Variants in BRINP3 observed in about 807,000 individuals in gnomAD.
BRINP3 encodes BMP/retinoic acid inducible neural specific 3.
In BRINP3, 19 loss-of-function variants were observed where a neutral mutation model predicts 71.0. The observed-to-expected ratio is 0.27, with a 90% CI of 0.19 to 0.39. The LOEUF is 0.39. Among genes scored for constraint, BRINP3 ranks in the 10% least tolerant of loss-of-function variants. The pLI is 1.00. For missense variants in BRINP3, 959 were observed against 940.8 expected (o/e 1.02, Z -0.25); for synonymous variants, 380 against 337.7 (o/e 1.13, Z -1.37).
intron 2 of BRINP3, among the ~76,000 whole-genome samples, chr1:190,316,237 T>C (rs777143224): frequency 6.6e-6 from 1 of 152,150 alleles, no homozygotes; most frequent in African/African-American, 2.4e-5. Context: ...CAGTAGCTAA[T>C]GTAACCCTAA....
chr1:190,294,796 C>T (rs553311048), intron 2 of BRINP3, among the ~76,000 whole-genome samples: 11 of 152,028 alleles, frequency 7.2e-5, no homozygotes, highest in South Asian at 4.2e-4. Flanking sequence ...TGTTGAGCTC[C>T]GTAAGCCAGT....
chr1:190,220,359 A>C (rs1656770572), intron 6 of BRINP3, among the ~76,000 whole-genome samples: 1 of 152,010 alleles, frequency 6.6e-6, no homozygotes, highest in Admixed American at 6.6e-5. Context: ...ACACGGACAC[A>C]GGGAGAGGAA....
At chr1:190,162,311 G>C (rs1211778371) in intron 6 of BRINP3, among the ~76,000 whole-genome samples, 1 of 151,644 alleles carries the variant, frequency 6.6e-6, no homozygotes, top group Non-Finnish European at 1.5e-5. Flanking sequence ...AGCCTCCCGA[G>C]TAGCTGTGAT....
intron 2 of BRINP3, among the ~76,000 whole-genome samples, chr1:190,291,863 A>G (rs577783699): frequency 6.6e-6 from 1 of 152,286 alleles, no homozygotes; most frequent in African/African-American, 2.4e-5. Context: ...TTGCAGCATA[A>G]TTCACAGTAG....
chr1:190,345,225 A>G (rs1251492367), intron 2 of BRINP3, among the ~76,000 whole-genome samples: 1 of 151,854 alleles, frequency 6.6e-6, no homozygotes, highest in Non-Finnish European at 1.5e-5. Flanking sequence ...CCAGTTGTGC[A>G]TGTTCATAAT....
At chr1:190,272,690 T>A (rs1028634436) in intron 3 of BRINP3, among the ~76,000 whole-genome samples, 4 of 151,390 alleles carry the variant, frequency 2.6e-5, no homozygotes, top group Non-Finnish European at 5.9e-5. Flanking sequence ...TCAAAATATA[T>A]AGGATTACTA....
At chr1:190,477,174 C>T (rs756637597) in intron 1 of BRINP3, among the ~76,000 whole-genome samples, 51 of 151,636 alleles carry the variant, frequency 3.4e-4, no homozygotes, top group Non-Finnish European at 6.6e-4. Flanking sequence ...GATTAATGTC[C>T]GTGTAACCCA....
At chr1:190,176,125 G>T (rs1353052327) in intron 6 of BRINP3, among the ~76,000 whole-genome samples, 1 of 152,120 alleles carries the variant, frequency 6.6e-6, no homozygotes, top group Admixed American at 6.6e-5. Context: ...CAATAAAAGA[G>T]TATAATACTT....
In BRINP3 at chr1:190,460,708, A is replaced by G. The variant is rs1162718799; in HGVS notation, c.-50-5768T>C. On this transcript the variant is annotated intron_variant, in intron 1 of 7. Transcript: ENST00000367462. ...TGCCTGTGGCCATTTCTGTTAGAAC[A>G]TGATACCTCTGTCAAGGAAAACTAA... is the stretch of plus-strand genomic sequence containing the variant. Among the ~76,000 whole-genome samples the G allele has an allele frequency of 7.2e-5, 11 of 152,184 alleles. No homozygotes were observed. In the South Asian group the frequency reaches 2.1e-3, roughly 29 times the overall value.
chr1:190,318,147 T>A (rs1177759373), intron 2 of BRINP3, among the ~76,000 whole-genome samples: 1 of 152,136 alleles, frequency 6.6e-6, no homozygotes, highest in Admixed American at 6.6e-5. Flanking sequence ...ATCTTAATAG[T>A]AGCCCAAACT....
intron 7 of BRINP3, among the ~76,000 whole-genome samples, chr1:190,112,965 G>C (rs1652814252): frequency 6.6e-6 from 1 of 151,976 alleles, no homozygotes; most frequent in Admixed American, 6.6e-5. Context: ...ATTACTGAAT[G>C]GTACAAACTT....
At chr1:190,233,775 G>T (rs1254762600) in intron 5 of BRINP3, among the ~76,000 whole-genome samples, 1 of 152,050 alleles carries the variant, frequency 6.6e-6, no homozygotes, top group Non-Finnish European at 1.5e-5. Flanking sequence ...CATAATTATT[G>T]TATTTTTAAA....
chr1:190,114,948 G>C (rs764098675), intron 7 of BRINP3, among the ~76,000 whole-genome samples: 4 of 152,042 alleles, frequency 2.6e-5, no homozygotes, highest in Non-Finnish European at 5.9e-5. Flanking sequence ...TCTTAGTGAG[G>C]ATTCTCATAG....
At chr1:190,158,502 T>G (rs923233904) in intron 7 of BRINP3, among the ~76,000 whole-genome samples, 2 of 152,172 alleles carry the variant, frequency 1.3e-5, no homozygotes, top group Admixed American at 1.3e-4. Context: ...TGAAAACCAC[T>G]GGGTACTATG....
At chr1:190,204,525 T>C (rs1466819362) in intron 6 of BRINP3, among the ~76,000 whole-genome samples, 3 of 151,846 alleles carry the variant, frequency 2.0e-5, no homozygotes, top group Non-Finnish European at 4.4e-5. Flanking sequence ...AGGAGATATA[T>C]ATTGGTAGCA....
At chr1:190,428,342 T>G (rs2102493104) in intron 2 of BRINP3, among the ~76,000 whole-genome samples, 1 of 152,196 alleles carries the variant, frequency 6.6e-6, no homozygotes, top group Non-Finnish European at 1.5e-5. Flanking sequence ...AAATATACTA[T>G]GAATAAAAAT....
chr1:190,192,418 G>T (rs760466278), intron 6 of BRINP3, among the ~76,000 whole-genome samples: 2 of 151,798 alleles, frequency 1.3e-5, no homozygotes, highest in Non-Finnish European at 2.9e-5. Flanking sequence ...ACATTAAACT[G>T]GTGTTCTTTA....
At chr1:190,222,297 A>C (rs969071397) in intron 6 of BRINP3, among the ~76,000 whole-genome samples, 1 of 152,012 alleles carries the variant, frequency 6.6e-6, no homozygotes, top group Non-Finnish European at 1.5e-5. Flanking sequence ...TAGAAATAAA[A>C]CATCCTACTG....
chr1:190,236,256 A>T (rs976197983), intron 4 of BRINP3, among the ~76,000 whole-genome samples: 18 of 152,058 alleles, frequency 1.2e-4, no homozygotes, highest in South Asian at 2.1e-4. Context: ...TAGTGATAAC[A>T]TTCAAAATAT....
Sources: allele counts gnomAD v4.1 joint callset (sites outside exome capture counted in the v4.1 genomes callset), GRCh38; gene constraint gnomAD v4.1.1; transcripts MANE v1.5; gene names NCBI Gene and HGNC (gene_info 2026-07-23, HGNC 2026-07-21).